CDKAL1: variants seen among roughly 807,000 people sequenced by gnomAD.
CDKAL1 encodes the protein CDKAL1 threonylcarbamoyladenosine tRNA methylthiotransferase, also known as threonylcarbamoyladenosine tRNA methylthiotransferase.
A neutral mutation model predicts 68.2 loss-of-function variants in CDKAL1; 32 were observed. That is an observed-to-expected ratio of 0.47 (90% CI 0.35 to 0.63). The LOEUF (loss-of-function observed/expected upper bound fraction) is 0.63, where lower values mean the gene tolerates loss of function less well. Ranked by LOEUF, CDKAL1 falls within the 30% of genes least tolerant of loss-of-function variation. The pLI, the probability that CDKAL1 is intolerant of heterozygous loss-of-function variation, is 0.00. For synonymous variants in CDKAL1, 234 were observed against 244.3 expected (o/e 0.96, Z 0.39); for missense variants, 606 against 696.7 (o/e 0.87, Z 1.47).
intron 13 of CDKAL1, among the ~76,000 whole-genome samples, chr6:21,171,040 T>A (rs931319968): frequency 6.6e-6 from 1 of 152,194 alleles, no homozygotes; most frequent in African/African-American, 2.4e-5. Context: ...TTGATTTGAT[T>A]GTTTAAAAAA....
chr6:21,131,385 A>G (rs894527020), intron 13 of CDKAL1, among the ~76,000 whole-genome samples: 1 of 152,246 alleles, frequency 6.6e-6, no homozygotes, highest in Admixed American at 6.5e-5. Context: ...CATTACATCT[A>G]GTTCTAAAAA....
At chr6:20,762,082 A>G (rs912543533) in intron 7 of CDKAL1, among the ~76,000 whole-genome samples, 5 of 152,160 alleles carry the variant, frequency 3.3e-5, no homozygotes, top group African/African-American at 1.2e-4. Flanking sequence ...CTACTCTAAA[A>G]AATAAAATCT....
chr6:21,054,380 A>T (rs1770714029), intron 11 of CDKAL1, among the ~76,000 whole-genome samples: 1 of 151,480 alleles, frequency 6.6e-6, no homozygotes, highest in Non-Finnish European at 1.5e-5. Context: ...TCTTTAAAAC[A>T]GGTTCATTTA....
chr6:20,732,283 T>TTTTTTTTTTTTTTTTTTTTTTTTTTTTG (rs1554112044), intron 5 of CDKAL1, among the ~76,000 whole-genome samples: 1 of 117,488 alleles, frequency 8.5e-6, no homozygotes, highest in Non-Finnish European at 1.8e-5. Flanking sequence ...TTTTTTTTTT[T>TTTTTTTTTTTTTTTTTTTTTTTTTTTTG]TTGTTGTTGT....
chr6:21,082,386 G>T (rs1219835161), intron 12 of CDKAL1, among the ~76,000 whole-genome samples: 1 of 152,100 alleles, frequency 6.6e-6, no homozygotes, highest in Non-Finnish European at 1.5e-5. Context: ...AATCTTTTTA[G>T]GTGTCTTTTA....
At position 20,593,605 on chromosome 6, in the gene CDKAL1, TA is replaced by T. The variant is rs539991104; in HGVS notation, c.286+44913del. On this transcript the variant is annotated intron_variant, in intron 4 of 15. Coordinates refer to ENST00000274695, the MANE Select transcript of CDKAL1 (RefSeq NM_017774.3). ...GCTGGTGGTCTATTTCATTAATCTT[TA>T]AAAAAAAAAAAAGAAACCCAGCTCC... 3.6e-4 allele frequency among the ~76,000 whole-genome samples: 44 copies of T among 121,934 alleles called. 1 individual carries two copies. The highest frequency in any genetic ancestry group is 3.6e-3 in the South Asian group (14 of 3,892). The allele number at this position is 121,934 out of a possible 152,430, so 80.0% of individuals were successfully genotyped here. A position where few individuals can be genotyped will look rare whatever the true frequency, so the allele number is the denominator to read the frequency against.
intron 13 of CDKAL1, among the ~76,000 whole-genome samples, chr6:21,157,744 T>A (rs1776714765): frequency 1.3e-5 from 2 of 152,236 alleles, no homozygotes; most frequent in Admixed American, 1.3e-4. Context: ...TTGAGAAATG[T>A]AAGCACATCA....
rs1774997894 is a variant in CDKAL1, at chr6:20,772,706, A to G, written c.518-8439A>G. 2.0e-5 allele frequency: 3 copies of G among 152,216 alleles called. No individual in the cohort carries two copies. The South Asian group carries it at 6.2e-4, about 32-fold the overall frequency. The allele number at this position is 152,216 out of a possible 1,614,324, so 9.4% of individuals were successfully genotyped here. A position where few individuals can be genotyped will look rare whatever the true frequency, so the allele number is the denominator to read the frequency against. On this transcript the variant is annotated intron_variant, in intron 7 of 15. Transcript: ENST00000274695. The stretch of plus-strand genomic sequence containing the variant: ...TTTTCATCTTTCCATGTTCTCTTCC[A>G]TAATTCTTGTCCACACATAAATTTT...
Position 20,955,474 on chromosome 6 carries a change from T to C in CDKAL1, c.798T>C (p.Asp266=). 6.2e-7 allele frequency: 1 copy of C among 1,614,116 alleles called. No individual in the cohort carries two copies. Among genetic ancestry groups the C allele is most frequent in the Non-Finnish European group, 8.5e-7 (1 of 1,179,984 alleles). The stretch of plus-strand genomic sequence containing the variant: ...AAGACACGGGGGCTTATGGCAGAGA[T>C]ATTGGCACCAATCTCCCCACACTCC... The part of the protein sequence containing the change: ...TSEDTGAYGR[D]IGTNLPTLLW... Residue 266 remains aspartate, a synonymous_variant, in exon 10 of 16, where the codon GAT becomes GAC. Transcript: ENST00000274695.
At chr6:20,996,239 A>T (rs1049914625) in intron 10 of CDKAL1, among the ~76,000 whole-genome samples, 1 of 152,210 alleles carries the variant, frequency 6.6e-6, no homozygotes, top group Admixed American at 6.5e-5. Context: ...AGGCTGTTTG[A>T]CTTTCTTATC....
In CDKAL1 at chr6:21,031,629, C is replaced by T. The variant is rs1279185357; in HGVS notation, c.1055+31257C>T. On this transcript the variant is annotated intron_variant, in intron 11 of 15. Transcript: ENST00000274695. ...GCTTGGATAAAGTGGAAAACAACAT[C>T]TTGGAAGGTAGAAGTCGGGATTGGG... is the stretch of plus-strand genomic sequence containing the variant. Among the ~76,000 whole-genome samples, 5 of 151,904 alleles carry T rather than the reference C, an allele frequency of 3.3e-5. No individual in the cohort carries two copies. The South Asian group carries it at 1.0e-3, about 32-fold the overall frequency.
At chr6:20,597,772 C>A (rs760293708) in intron 4 of CDKAL1, among the ~76,000 whole-genome samples, 1 of 152,154 alleles carries the variant, frequency 6.6e-6, no homozygotes, top group Non-Finnish European at 1.5e-5. Context: ...CTCCTGAAAA[C>A]CCTGCCGGAT....
chr6:20,710,531 A>G (rs1475938341), intron 5 of CDKAL1, among the ~76,000 whole-genome samples: 1 of 152,220 alleles, frequency 6.6e-6, no homozygotes, highest in African/African-American at 2.4e-5. Flanking sequence ...CTTAAAATGT[A>G]TCCGCATCAT....
intron 8 of CDKAL1, among the ~76,000 whole-genome samples, chr6:20,798,277 C>T (rs1776199584): frequency 6.6e-6 from 1 of 152,042 alleles, no homozygotes; most frequent in Non-Finnish European, 1.5e-5. Context: ...AAGAACTCTT[C>T]TGTAGTCTTT....
intron 9 of CDKAL1, among the ~76,000 whole-genome samples, chr6:20,910,990 G>T (rs1308810135): frequency 6.6e-6 from 1 of 152,162 alleles, no homozygotes; most frequent in Admixed American, 6.5e-5. Context: ...TGAAACACCC[G>T]TGGGCTTGCA....
At chr6:20,802,354 G>A (rs1243015671) in intron 8 of CDKAL1, among the ~76,000 whole-genome samples, 7 of 135,760 alleles carry the variant, frequency 5.2e-5, no homozygotes. Flanking sequence ...ATGTGAATGA[G>A]TTATTTTTCT....
intron 5 of CDKAL1, among the ~76,000 whole-genome samples, chr6:20,666,616 A>C (rs1287016017): frequency 1.3e-5 from 2 of 151,860 alleles, no homozygotes; most frequent in African/African-American, 2.4e-5. Context: ...CTGATCCTGG[A>C]ATCTACTTAC....
intron 5 of CDKAL1, among the ~76,000 whole-genome samples, chr6:20,691,034 G>A (rs1770848924): frequency 6.6e-6 from 1 of 152,142 alleles, no homozygotes; most frequent in South Asian, 2.1e-4. Flanking sequence ...TTTTAGAAAA[G>A]CAGGTATTAT....
intron 7 of CDKAL1, among the ~76,000 whole-genome samples, chr6:20,766,853 G>C (rs1212576757): frequency 6.6e-6 from 1 of 151,940 alleles, no homozygotes; most frequent in African/African-American, 2.4e-5. Context: ...GAAAGAATTT[G>C]TATTATACCT....
Sources: allele counts gnomAD v4.1 joint callset (sites outside exome capture counted in the v4.1 genomes callset), GRCh38; gene constraint gnomAD v4.1.1; transcripts MANE v1.5; gene names NCBI Gene and HGNC (gene_info 2026-07-23, HGNC 2026-07-21).